SLC35F4: variants seen among roughly 807,000 people sequenced by gnomAD.
SLC35F4 encodes the protein chromosome 14 open reading frame 36.
In SLC35F4, 24 loss-of-function variants were observed where a neutral mutation model predicts 44.2. The ratio of observed to expected loss-of-function variants is 0.54; its 90% CI spans 0.39 to 0.76. The LOEUF is 0.76. SLC35F4 is among the 30% of genes least tolerant of loss of function. The pLI is 0.00. For missense variants in SLC35F4, 562 were observed against 586.1 expected, an observed-to-expected ratio of 0.96 and a Z score of 0.42; for synonymous variants, 238 against 223.6, an observed-to-expected ratio of 1.06 and a Z score of -0.57.
chr14:57,967,934 T>C (rs1339716029), intron 1 of SLC35F4, among the ~76,000 whole-genome samples: 2 of 152,198 alleles, frequency 1.3e-5, no homozygotes, highest in African/African-American at 4.8e-5. Context: ...AAAAGTCAAA[T>C]AAATCTATAA....
At chr14:57,924,102 T>C (rs1889497499) in intron 1 of SLC35F4, among the ~76,000 whole-genome samples, 2 of 152,226 alleles carry the variant, frequency 1.3e-5, no homozygotes, top group South Asian at 4.1e-4. Context: ...TTGCTCCTCC[T>C]TGCCTTCAGC....
At chr14:57,603,298 T>A (rs185339305) in intron 1 of SLC35F4, among the ~76,000 whole-genome samples, 98 of 152,224 alleles carry the variant, frequency 6.4e-4, no homozygotes, top group African/African-American at 1.6e-3. Flanking sequence ...ACAATTTTTT[T>A]AAAAAAAATC....
intron 1 of SLC35F4, among the ~76,000 whole-genome samples, chr14:57,674,442 A>T (rs1019691327): frequency 1.3e-4 from 20 of 152,178 alleles, no homozygotes; most frequent in Non-Finnish European, 2.8e-4. Context: ...CTTTATTTAT[A>T]ACAGCCAGAA....
At chr14:57,960,737 G>A (rs1890322456) in intron 1 of SLC35F4, among the ~76,000 whole-genome samples, 1 of 152,136 alleles carries the variant, frequency 6.6e-6, no homozygotes, top group African/African-American at 2.4e-5. Flanking sequence ...TTCCTGGTAG[G>A]TAGGCAGAAA....
chr14:57,981,339 C>T (rs908245219), intron 1 of SLC35F4, among the ~76,000 whole-genome samples: 2 of 152,080 alleles, frequency 1.3e-5, no homozygotes, highest in African/African-American at 2.4e-5. Context: ...AACTTAGCAC[C>T]GTCTCTGCAG....
chr14:57,961,401 A>C (rs1594655632), intron 1 of SLC35F4, among the ~76,000 whole-genome samples: 1 of 152,220 alleles, frequency 6.6e-6, no homozygotes, highest in East Asian at 1.9e-4. Flanking sequence ...CTGAGGAGAG[A>C]GGAGAGTCCT....
intron 1 of SLC35F4, among the ~76,000 whole-genome samples, chr14:57,607,229 T>C (rs557539877): frequency 2.0e-5 from 3 of 152,272 alleles, no homozygotes; most frequent in Admixed American, 2.0e-4. Flanking sequence ...GCCTTGTTCA[T>C]TAGCAGAAAG....
chr14:57,863,216 T>C (rs938539728), intron 1 of SLC35F4, among the ~76,000 whole-genome samples: 2 of 152,242 alleles, frequency 1.3e-5, no homozygotes, highest in African/African-American at 4.8e-5. Flanking sequence ...TCAATAACTG[T>C]TCATTAATTG....
intron 1 of SLC35F4, among the ~76,000 whole-genome samples, chr14:57,758,397 C>A (rs1269462010): frequency 6.6e-6 from 1 of 151,832 alleles, no homozygotes; most frequent in East Asian, 1.9e-4. Flanking sequence ...TGGATAGTTT[C>A]TATTGTTATA....
intron 1 of SLC35F4, among the ~76,000 whole-genome samples, chr14:57,925,805 T>G (rs1395918678): frequency 6.6e-6 from 1 of 152,178 alleles, no homozygotes; most frequent in Non-Finnish European, 1.5e-5. Context: ...AGTTTAAATC[T>G]TACACAAGGT....
At chr14:57,599,843 G>A (rs972662627) in intron 1 of SLC35F4, among the ~76,000 whole-genome samples, 1 of 151,240 alleles carries the variant, frequency 6.6e-6, no homozygotes, top group Non-Finnish European at 1.5e-5. Flanking sequence ...TGGAAGGAGA[G>A]GGAGGAGAGG....
chr14:57,813,812 T>C (rs545704787), intron 1 of SLC35F4, among the ~76,000 whole-genome samples: 1 of 152,210 alleles, frequency 6.6e-6, no homozygotes, highest in Admixed American at 6.5e-5. Flanking sequence ...CAGGCAGGGC[T>C]GGCTCAGCCG....
intron 1 of SLC35F4, among the ~76,000 whole-genome samples, chr14:57,873,222 C>A (rs921111407): frequency 6.6e-6 from 1 of 152,090 alleles, no homozygotes; most frequent in Non-Finnish European, 1.5e-5. Flanking sequence ...CACGAAGGGT[C>A]AATTGCATTA....
At chr14:57,674,402 A>G (rs1012261859) in intron 1 of SLC35F4, among the ~76,000 whole-genome samples, 14 of 152,150 alleles carry the variant, frequency 9.2e-5, no homozygotes, top group African/African-American at 3.4e-4. Flanking sequence ...TATATTCACA[A>G]AAAGATGTGT....
At chr14:57,894,521 T>A (rs894348630) in intron 1 of SLC35F4, among the ~76,000 whole-genome samples, 1 of 152,052 alleles carries the variant, frequency 6.6e-6, no homozygotes, top group Non-Finnish European at 1.5e-5. Context: ...TGCATAACAA[T>A]AAAAATAACA....
chr14:57,942,722 T>C (rs1889936779), intron 1 of SLC35F4, among the ~76,000 whole-genome samples: 1 of 152,200 alleles, frequency 6.6e-6, no homozygotes, highest in African/African-American at 2.4e-5. Context: ...AGCCACGACT[T>C]ATACTGCCTA....
At chr14:57,921,397 A>G (rs1170415322) in intron 1 of SLC35F4, among the ~76,000 whole-genome samples, 1 of 152,212 alleles carries the variant, frequency 6.6e-6, no homozygotes, top group Non-Finnish European at 1.5e-5. Context: ...ACAACATGCT[A>G]GCTGTATTAT....
At chr14:57,927,095 C>T (rs1171259215) in intron 1 of SLC35F4, among the ~76,000 whole-genome samples, 2 of 152,210 alleles carry the variant, frequency 1.3e-5, no homozygotes, top group Non-Finnish European at 2.9e-5. Flanking sequence ...ATGGCCCCTG[C>T]AAGTGACACC....
intron 1 of SLC35F4, among the ~76,000 whole-genome samples, chr14:57,696,536 T>A (rs1283214894): frequency 6.6e-6 from 1 of 152,150 alleles, no homozygotes; most frequent in African/African-American, 2.4e-5. Flanking sequence ...GAACAAGAAA[T>A]ACCATTTGAC....
Sources: allele counts gnomAD v4.1 joint callset (sites outside exome capture counted in the v4.1 genomes callset), GRCh38; gene constraint gnomAD v4.1.1; transcripts MANE v1.5; gene names NCBI Gene and HGNC (gene_info 2026-07-23, HGNC 2026-07-21).